Variants in BICC1 observed in about 807,000 individuals in gnomAD.
BICC1 encodes the protein BicC family RNA binding protein 1.
In BICC1, 43 loss-of-function variants were observed where a neutral mutation model predicts 111.0. That is an observed-to-expected ratio of 0.39 (90% CI 0.30 to 0.50). The LOEUF is 0.50. BICC1 is among the 20% of genes least tolerant of loss of function. BICC1 has a pLI of 0.88. For missense variants in BICC1, 1,091 were observed against 1,203.2 expected (o/e 0.91, Z 1.38); for synonymous variants, 467 against 434.4 (o/e 1.07, Z -0.93).
At chr10:58,700,606 C>T (rs1457606770) in intron 2 of BICC1, among the ~76,000 whole-genome samples, 1 of 152,104 alleles carries the variant, frequency 6.6e-6, no homozygotes, top group African/African-American at 2.4e-5. Context: ...AACTTTTGTT[C>T]AATTTTTAAT....
intron 1 of BICC1, among the ~76,000 whole-genome samples, chr10:58,602,850 G>T (rs760092640): frequency 7.9e-5 from 12 of 152,198 alleles, no homozygotes; most frequent in Non-Finnish European, 1.8e-4. Context: ...GATCCCTTCT[G>T]AATGATGACC....
intron 20 of BICC1, among the ~76,000 whole-genome samples, chr10:58,821,351 A>C (rs1189835218): frequency 2.0e-5 from 3 of 152,136 alleles, no homozygotes. Context: ...AGAACACTGA[A>C]TTTGCAGGCT....
At chr10:58,564,933 G>A (rs900099720) in intron 1 of BICC1, among the ~76,000 whole-genome samples, 1 of 152,144 alleles carries the variant, frequency 6.6e-6, no homozygotes. Context: ...GAATAGGAAA[G>A]AAGGAATTAC....
intron 1 of BICC1, among the ~76,000 whole-genome samples, chr10:58,543,686 GT>G (rs970476386): frequency 1.3e-5 from 2 of 151,752 alleles, no homozygotes; most frequent in African/African-American, 4.8e-5. Context: ...ATTTTTTTAG[GT>G]TTTGTAGAGA....
chr10:58,663,953 ACATT>A lies in BICC1; in HGVS notation c.238-38114_238-38111del, dbSNP rs143896332. 9.2e-3 allele frequency among the ~76,000 whole-genome samples: 1,404 copies of A among 152,296 alleles called. 27 individuals are homozygous for A. The highest frequency in any genetic ancestry group is 0.032 in the African/African-American group (1,325 of 41,552). On this transcript the variant is annotated intron_variant, in intron 2 of 20. Transcript: ENST00000373886. ...ATTGTATGGGTATATCACATTAAAA[ACATT>A]CATTCACTAGTTGATGGAATTTGAG...
At chr10:58,740,110 A>G (rs1391758131) in intron 3 of BICC1, among the ~76,000 whole-genome samples, 1 of 152,194 alleles carries the variant, frequency 6.6e-6, no homozygotes, top group Non-Finnish European at 1.5e-5. Flanking sequence ...CCTACTTCAT[A>G]GGATGGCTGT....
intron 1 of BICC1, among the ~76,000 whole-genome samples, chr10:58,591,662 A>C (rs1019034175): frequency 6.6e-6 from 1 of 152,192 alleles, no homozygotes; most frequent in African/African-American, 2.4e-5. Context: ...GTGGAAAATT[A>C]AGCTTAACTG....
rs889803129 is a variant in BICC1 at position 58,767,478 on chromosome 10, T to C, written c.308-17523T>C. Among the ~76,000 whole-genome samples the C allele has an allele frequency of 2.0e-5, 3 of 152,088 alleles. No individual in the cohort carries two copies. The East Asian group carries it at 5.8e-4, about 29-fold the overall frequency. The stretch of plus-strand genomic sequence containing the variant: ...AGTAAAGACTGGAGGAGATGACTAC[T>C]ACTTCAGATGTGAAAACAGCAACAC... On this transcript the variant is annotated intron_variant, in intron 3 of 20. Transcript: ENST00000373886.
chr10:58,623,032 C>G (rs747205244), intron 2 of BICC1, among the ~76,000 whole-genome samples: 1 of 152,152 alleles, frequency 6.6e-6, no homozygotes, highest in African/African-American at 2.4e-5. Context: ...TTCAGCTACT[C>G]AACTTTTCTA....
chr10:58,517,978 A>G (rs12761791), intron 1 of BICC1, among the ~76,000 whole-genome samples: 1 of 122,662 alleles, frequency 8.2e-6, no homozygotes, highest in East Asian at 2.3e-4. Context: ...ATGAACATGC[A>G]CAGCTATCTA....
At chr10:58,605,444 C>T (rs975930428) in intron 1 of BICC1, among the ~76,000 whole-genome samples, 11 of 152,276 alleles carry the variant, frequency 7.2e-5, no homozygotes, top group African/African-American at 2.4e-4. Context: ...CTTTTATCCT[C>T]CTCTGTTTTC....
chr10:58,551,309 G>A lies in BICC1; in HGVS notation c.190+37976G>A, dbSNP rs1260591429. 2.6e-5 allele frequency among the ~76,000 whole-genome samples: 4 copies of A among 152,146 alleles called. No individual in the cohort carries two copies. The East Asian group carries it at 5.8e-4, about 22-fold the overall frequency. Reference sequence around the variant, plus strand: ...TATACAAAGGTGAATTTGCTAAATGGCTGAACTTTATACCTTTAAGCTGCA... The same window carrying A: ...TATACAAAGGTGAATTTGCTAAATGACTGAACTTTATACCTTTAAGCTGCA... On this transcript the variant is annotated intron_variant, in intron 1 of 20. Transcript: ENST00000373886.
At chr10:58,692,691 G>A (rs1839946440) in intron 2 of BICC1, among the ~76,000 whole-genome samples, 1 of 151,968 alleles carries the variant, frequency 6.6e-6, no homozygotes, top group African/African-American at 2.4e-5. Context: ...AGCATCTTTT[G>A]TAAGCCTTAG....
At position 58,634,238 on chromosome 10, in the gene BICC1, C is replaced by T. The variant is rs145437097; in HGVS notation, c.237+13337C>T. On this transcript the variant is annotated intron_variant, in intron 2 of 20. Transcript: ENST00000373886. Reference sequence around the variant, plus strand: ...AAACTCCTGACCTCAGGTGATCCACCGCCTCGGCCTGCCAAAGTGCTGGGA... The same window carrying T: ...AAACTCCTGACCTCAGGTGATCCACTGCCTCGGCCTGCCAAAGTGCTGGGA... Among the ~76,000 whole-genome samples the T allele has an allele frequency of 3.3e-3, 509 of 152,060 alleles. 2 individuals are homozygous for T. The highest frequency in any genetic ancestry group is 0.011 in the African/African-American group (475 of 41,492).
At chr10:58,761,008 G>C (rs780936074) in intron 3 of BICC1, among the ~76,000 whole-genome samples, 1 of 151,932 alleles carries the variant, frequency 6.6e-6, no homozygotes, top group African/African-American at 2.4e-5. Context: ...TTATCACCCT[G>C]CCTGGCAAAA....
intron 3 of BICC1, among the ~76,000 whole-genome samples, chr10:58,775,347 C>G (rs1050364324): frequency 2.0e-5 from 3 of 151,180 alleles, no homozygotes; most frequent in African/African-American, 7.3e-5. Context: ...GCACTCCAGC[C>G]TGGGTGACAG....
intron 2 of BICC1, among the ~76,000 whole-genome samples, chr10:58,660,411 G>T (rs1414331282): frequency 7.0e-5 from 8 of 114,874 alleles, no homozygotes; most frequent in Non-Finnish European, 1.4e-4. Context: ...GAGATTTCAG[G>T]ATTGTGTATC....
intron 1 of BICC1, among the ~76,000 whole-genome samples, chr10:58,537,840 A>G (rs1019653721): frequency 6.6e-6 from 1 of 151,942 alleles, no homozygotes; most frequent in Non-Finnish European, 1.5e-5. Context: ...CTGAGAACCA[A>G]GCTGAGTATG....
intron 2 of BICC1, among the ~76,000 whole-genome samples, chr10:58,680,276 TTTGG>T (rs767911311): frequency 1.1e-4 from 17 of 152,184 alleles, no homozygotes; most frequent in Non-Finnish European, 1.9e-4. Flanking sequence ...TGTTTGTATA[TTTGG>T]AAAACCCCGT....
Sources: allele counts gnomAD v4.1 joint callset (sites outside exome capture counted in the v4.1 genomes callset), GRCh38; gene constraint gnomAD v4.1.1; transcripts MANE v1.5; gene names NCBI Gene and HGNC (gene_info 2026-07-23, HGNC 2026-07-21).